The following CREB5 variants were observed in gnomAD, a reference collection of about 807,000 sequenced individuals.
The protein encoded by CREB5 is cyclic AMP-responsive element-binding protein 5.
Under a neutral mutation model 57.1 loss-of-function variants are expected in CREB5, and 19 were observed. The observed-to-expected ratio is 0.33, with a 90% CI of 0.23 to 0.49. The LOEUF (loss-of-function observed/expected upper bound fraction) is 0.49. CREB5 is among the 20% of genes least tolerant of loss of function. CREB5 has a pLI of 0.99. For missense variants in CREB5, 579 were observed against 671.6 expected (o/e 0.86, Z 1.52); for synonymous variants, 238 against 238.3 (o/e 1.00, Z 0.01).
intron 4 of CREB5, 113 bp downstream of exon 4, chr7:28,507,850 C>A: frequency 8.1e-7 from 1 of 1,234,470 alleles, no homozygotes; most frequent in Non-Finnish European, 1.1e-6. Context: ...GTATTTTAGC[C>A]ATTTGTGAGT....
chr7:28,400,527 A>G (rs573581835), intron 1 of CREB5, among the ~76,000 whole-genome samples: 41 of 152,342 alleles, frequency 2.7e-4, no homozygotes, highest in Non-Finnish European at 5.3e-4. Flanking sequence ...TTAAGTGTCA[A>G]GTAAGGGCAT....
intron 1 of CREB5, among the ~76,000 whole-genome samples, chr7:28,356,089 C>A (rs1429593566): frequency 6.6e-6 from 1 of 152,192 alleles, no homozygotes; most frequent in East Asian, 1.9e-4. Context: ...TAGAGTAAAG[C>A]ACCAGCATAA....
intron 5 of CREB5, among the ~76,000 whole-genome samples, chr7:28,668,021 T>A (rs1204521290): frequency 6.6e-6 from 1 of 152,144 alleles, no homozygotes; most frequent in Non-Finnish European, 1.5e-5. Flanking sequence ...CTTGCATAAT[T>A]TCCCCAGCCT....
chr7:28,581,739 C>A (rs1023472057), intron 5 of CREB5, among the ~76,000 whole-genome samples: 4 of 152,188 alleles, frequency 2.6e-5, no homozygotes, highest in Non-Finnish European at 4.4e-5. Context: ...GGCACCCAAA[C>A]AATCTGTCAA....
chr7:28,392,087 A>G (rs1001104603), intron 1 of CREB5, among the ~76,000 whole-genome samples: 1 of 152,174 alleles, frequency 6.6e-6, no homozygotes, highest in Non-Finnish European at 1.5e-5. Context: ...ACACATGGAC[A>G]CAAAGAGGGG....
chr7:28,639,372 T>C (rs1798558779), intron 5 of CREB5, among the ~76,000 whole-genome samples: 1 of 152,212 alleles, frequency 6.6e-6, no homozygotes. Context: ...TTAGGCATTT[T>C]GGGAGGCTTA....
chr7:28,399,545 C>A (rs1562691839), intron 1 of CREB5, among the ~76,000 whole-genome samples: 1 of 152,060 alleles, frequency 6.6e-6, no homozygotes, highest in African/African-American at 2.4e-5. Flanking sequence ...GAAAGAATAT[C>A]CTATTCAATA....
chr7:28,491,640 A>G (rs143048597), intron 2 of CREB5, among the ~76,000 whole-genome samples: 116 of 152,298 alleles, frequency 7.6e-4, no homozygotes, highest in Middle Eastern at 6.8e-3. Flanking sequence ...GTGGAAGTGT[A>G]TTTTTTCCTT....
At chr7:28,587,555 G>A (rs1490706653) in intron 5 of CREB5, among the ~76,000 whole-genome samples, 5 of 151,762 alleles carry the variant, frequency 3.3e-5, no homozygotes, top group Admixed American at 3.3e-4. Context: ...GGACTGGGCT[G>A]GGGGTGGGGG....
intron 5 of CREB5, among the ~76,000 whole-genome samples, chr7:28,671,833 C>A (rs1800052979): frequency 6.6e-6 from 1 of 152,056 alleles, no homozygotes; most frequent in Non-Finnish European, 1.5e-5. Flanking sequence ...ATAAAAATAG[C>A]CAGATTTACT....
At chr7:28,673,678 T>C (rs1800171396) in intron 5 of CREB5, among the ~76,000 whole-genome samples, 1 of 136,706 alleles carries the variant, frequency 7.3e-6, no homozygotes, top group African/African-American at 2.8e-5. Context: ...TTTTTTTTTT[T>C]TTTTTTTTGG....
intron 5 of CREB5, among the ~76,000 whole-genome samples, chr7:28,669,258 T>C (rs903842259): frequency 5.9e-5 from 9 of 152,166 alleles, no homozygotes; most frequent in Non-Finnish European, 1.2e-4. Flanking sequence ...TGTTGGTAAA[T>C]AGTGGCAGAT....
intron 1 of CREB5, among the ~76,000 whole-genome samples, chr7:28,483,294 T>C (rs1304879302): frequency 2.0e-5 from 3 of 152,176 alleles, no homozygotes; most frequent in Admixed American, 2.0e-4. Context: ...GACCAGGAAT[T>C]TGTGGGGTCA....
intron 7 of CREB5, among the ~76,000 whole-genome samples, chr7:28,737,531 ATATATACG>A (rs1304557080): frequency 4.3e-4 from 37 of 85,918 alleles, no homozygotes; most frequent in Non-Finnish European, 5.8e-4. Context: ...ATATATGTAT[ATATATACG>A]TATATATATA....
upstream of CREB5, chr7:28,410,759 T>C (rs1443932413): frequency 1.4e-5 from 5 of 357,120 alleles, no homozygotes; most frequent in Non-Finnish European, 2.8e-5. Flanking sequence ...CATTACGTCA[T>C]TCTGCAGGCC....
rs1400561698 is a variant in CREB5, at chr7:28,658,953, G to GTGTGTATATATATA, written c.465-59799_465-59798insGTGTATATATATAT. Among the ~76,000 whole-genome samples the GTGTGTATATATATA allele has an allele frequency of 3.0e-3, 301 of 99,570 alleles. 4 individuals carry two copies. Among genetic ancestry groups the GTGTGTATATATATA allele is most frequent in the African/African-American group, 9.6e-3 (292 of 30,452 alleles). 65.3% of individuals were successfully genotyped at this position (99,570 alleles called of 152,430 possible). ...CACTAAATATTATATGTGTGTGTGT[G>GTGTGTATATATATA]TATATATATATATATATATATATAT... On this transcript the variant is annotated intron_variant, in intron 5 of 10. Transcript: ENST00000357727.
At chr7:28,626,244 G>C (rs1461266333) in intron 5 of CREB5, among the ~76,000 whole-genome samples, 1 of 152,144 alleles carries the variant, frequency 6.6e-6, no homozygotes, top group Non-Finnish European at 1.5e-5. Flanking sequence ...CCTGTGATTT[G>C]AGTTGTATGA....
intron 1 of CREB5, among the ~76,000 whole-genome samples, chr7:28,404,290 G>A (rs1397300823): frequency 6.6e-6 from 1 of 152,166 alleles, no homozygotes; most frequent in East Asian, 1.9e-4. Flanking sequence ...TAGGGTTCTT[G>A]GTTGTTTATG....
At chr7:28,538,487 C>T (rs1794070348) in intron 4 of CREB5, among the ~76,000 whole-genome samples, 2 of 152,136 alleles carry the variant, frequency 1.3e-5, no homozygotes, top group Non-Finnish European at 2.9e-5. Context: ...TGACTCTTCT[C>T]TTTTTTTCTT....
Sources: gnomAD v4.1 joint callset for allele counts (sites outside exome capture counted in the v4.1 genomes callset) on GRCh38, gnomAD v4.1.1 for gene constraint, MANE v1.5 for transcripts, NCBI Gene and HGNC (gene_info 2026-07-23, HGNC 2026-07-21) for gene names.